PRKCA: variants seen among roughly 807,000 people sequenced by gnomAD.
PRKCA encodes protein kinase C alpha.
PRKCA carries 27 observed loss-of-function variants against 87.0 expected under a neutral mutation model. The ratio of observed to expected loss-of-function variants is 0.31; its 90% CI spans 0.23 to 0.43. The LOEUF is 0.43. Among genes scored for constraint, PRKCA ranks in the 20% least tolerant of loss-of-function variants. PRKCA has a pLI of 1.00. For missense variants in PRKCA, 518 were observed against 852.3 expected, an observed-to-expected ratio of 0.61 and a Z score of 4.88; for synonymous variants, 329 against 311.1, an observed-to-expected ratio of 1.06 and a Z score of -0.61.
intron 2 of PRKCA, among the ~76,000 whole-genome samples, chr17:66,459,009 C>T (rs1052373868): frequency 6.6e-6 from 1 of 151,816 alleles, no homozygotes; most frequent in African/African-American, 2.4e-5. Flanking sequence ...TTAAGTTTAC[C>T]CTGCTATGAA....
intron 2 of PRKCA, among the ~76,000 whole-genome samples, chr17:66,454,220 A>C (rs1457667540): frequency 6.6e-6 from 1 of 152,170 alleles, no homozygotes; most frequent in African/African-American, 2.4e-5. Context: ...TGTAGGTGCT[A>C]AGGCCCTGTG....
intron 2 of PRKCA, among the ~76,000 whole-genome samples, chr17:66,341,368 G>A (rs76998323): frequency 0.015 from 2,267 of 152,202 alleles, 42 homozygotes; most frequent in East Asian, 0.11. Flanking sequence ...CAAATTTTGA[G>A]GGATGTTAAG....
intron 8 of PRKCA, among the ~76,000 whole-genome samples, chr17:66,707,922 T>C (rs1314921613): frequency 6.6e-6 from 1 of 152,182 alleles, no homozygotes; most frequent in Non-Finnish European, 1.5e-5. Context: ...CTGAAAAGAT[T>C]ATGGCTCGCC....
At chr17:66,352,450 A>G (rs1227796110) in intron 2 of PRKCA, among the ~76,000 whole-genome samples, 1 of 151,608 alleles carries the variant, frequency 6.6e-6, no homozygotes, top group Non-Finnish European at 1.5e-5. Flanking sequence ...GGGCTAAGTG[A>G]TAATTCTGCT....
chr17:66,440,838 C>T (rs923648279), intron 2 of PRKCA, among the ~76,000 whole-genome samples: 1 of 151,988 alleles, frequency 6.6e-6, no homozygotes, highest in African/African-American at 2.4e-5. Flanking sequence ...CCAGCCCTGG[C>T]AACACCGTAA....
chr17:66,614,000 A>G (rs1399097785), intron 3 of PRKCA, among the ~76,000 whole-genome samples: 1 of 151,976 alleles, frequency 6.6e-6, no homozygotes. Context: ...CAAGATGGCC[A>G]GGCTTGTCTT....
chr17:66,644,051 C>T (rs1015378463), intron 4 of PRKCA, among the ~76,000 whole-genome samples: 3 of 152,132 alleles, frequency 2.0e-5, no homozygotes, highest in Non-Finnish European at 4.4e-5. Context: ...AAATTTTGCC[C>T]GGACACTTAA....
intron 8 of PRKCA, among the ~76,000 whole-genome samples, chr17:66,709,419 T>C (rs1462911715): frequency 6.9e-6 from 1 of 145,448 alleles, no homozygotes; most frequent in Non-Finnish European, 1.5e-5. Flanking sequence ...CAAGCAATTC[T>C]CCTGCCTCAG....
intron 3 of PRKCA, among the ~76,000 whole-genome samples, chr17:66,580,829 G>A (rs11657921): frequency 0.22 from 33,387 of 152,008 alleles, 3,818 homozygotes; most frequent in South Asian, 0.33. Context: ...CTTTGTCATC[G>A]CTTCTAACAG....
At chr17:66,727,400 C>G (rs1973782912) in intron 8 of PRKCA, among the ~76,000 whole-genome samples, 1 of 152,004 alleles carries the variant, frequency 6.6e-6, no homozygotes, top group South Asian at 2.1e-4. Context: ...TGTTTTTACA[C>G]TAAATATTGG....
chr17:66,746,990 G>C (rs1047817175), intron 13 of PRKCA, among the ~76,000 whole-genome samples: 1 of 152,186 alleles, frequency 6.6e-6, no homozygotes, highest in African/African-American at 2.4e-5. Flanking sequence ...AAGAGTGTCT[G>C]CTTCTGGCCT....
intron 8 of PRKCA, among the ~76,000 whole-genome samples, chr17:66,707,086 C>T (rs1443504036): frequency 6.6e-6 from 1 of 152,116 alleles, no homozygotes; most frequent in African/African-American, 2.4e-5. Flanking sequence ...CCCTATGACA[C>T]CCCCTTTTCT....
At chr17:66,624,407 G>A (rs1281485776) in intron 3 of PRKCA, among the ~76,000 whole-genome samples, 3 of 152,172 alleles carry the variant, frequency 2.0e-5, no homozygotes, top group Non-Finnish European at 2.9e-5. Flanking sequence ...GGGAGAAAAA[G>A]ATCATAGACT....
intron 3 of PRKCA, among the ~76,000 whole-genome samples, chr17:66,617,062 T>G (rs557888289): frequency 1.7e-4 from 26 of 152,102 alleles, no homozygotes; most frequent in Non-Finnish European, 3.5e-4. Flanking sequence ...ATACAGCCTC[T>G]GGAAAAGTGA....
chr17:66,693,430 A>T (rs549675227), intron 8 of PRKCA, among the ~76,000 whole-genome samples: 25 of 152,348 alleles, frequency 1.6e-4, no homozygotes, highest in African/African-American at 5.5e-4. Context: ...CTAAGCAGAC[A>T]GTTCCTGCTT....
At chr17:66,444,636 A>G (rs1913941050) in intron 2 of PRKCA, among the ~76,000 whole-genome samples, 1 of 152,138 alleles carries the variant, frequency 6.6e-6, no homozygotes. Flanking sequence ...TGGGGGTGTC[A>G]CAAGGCTTAT....
intron 3 of PRKCA, among the ~76,000 whole-genome samples, chr17:66,498,021 C>T (rs1316309250): frequency 2.0e-5 from 3 of 152,092 alleles, no homozygotes; most frequent in African/African-American, 4.8e-5. Flanking sequence ...GAAGCTCAGG[C>T]GTCACCTTGT....
intron 5 of PRKCA, among the ~76,000 whole-genome samples, chr17:66,646,961 C>G (rs1038167902): frequency 6.6e-6 from 1 of 152,184 alleles, no homozygotes; most frequent in Non-Finnish European, 1.5e-5. Context: ...TCAAGACCAT[C>G]CCTATTGTGC....
intron 3 of PRKCA, among the ~76,000 whole-genome samples, chr17:66,562,145 ATAATT>A (rs1221535264): frequency 1.2e-5 from 1 of 86,430 alleles, no homozygotes; most frequent in South Asian, 4.0e-4. Context: ...AATTATATAT[ATAATT>A]AAATTATATA....
Sources: allele counts gnomAD v4.1 joint callset (sites outside exome capture counted in the v4.1 genomes callset), GRCh38; gene constraint gnomAD v4.1.1; transcripts MANE v1.5; gene names NCBI Gene and HGNC (gene_info 2026-07-23, HGNC 2026-07-21).